Variants in PITPNC1 observed in about 807,000 individuals in gnomAD.
PITPNC1 encodes the protein phosphatidylinositol transfer protein cytoplasmic 1.
Under a neutral mutation model 44.7 loss-of-function variants are expected in PITPNC1, and 18 were observed. That is an observed-to-expected ratio of 0.40 (90% confidence interval 0.28 to 0.60). The LOEUF is 0.60. Among genes scored for constraint, PITPNC1 ranks in the 20% least tolerant of loss-of-function variants. The pLI is 0.39. For synonymous variants in PITPNC1, 141 were observed against 149.6 expected, an observed-to-expected ratio of 0.94 and a Z score of 0.42; for missense variants, 290 against 418.4, an observed-to-expected ratio of 0.69 and a Z score of 2.68.
At chr17:67,421,202 T>C (rs538453242) in intron 1 of PITPNC1, among the ~76,000 whole-genome samples, 34 of 152,328 alleles carry the variant, frequency 2.2e-4, no homozygotes, top group Admixed American at 4.6e-4. Context: ...GTTGGAGTCA[T>C]TCACACATAC....
At chr17:67,627,674 G>A (rs2364963) in intron 5 of PITPNC1, among the ~76,000 whole-genome samples, 2,422 of 152,296 alleles carry the variant, frequency 0.016, 55 homozygotes, top group African/African-American at 0.055. Context: ...GATGCTAAGA[G>A]GCGGTTTTGT....
At chr17:67,442,126 C>G (rs2039019959) in intron 1 of PITPNC1, among the ~76,000 whole-genome samples, 2 of 148,986 alleles carry the variant, frequency 1.3e-5, no homozygotes, top group Admixed American at 1.4e-4. Flanking sequence ...TGCTTTAGGA[C>G]TGCCTCTCCT....
rs144048576 is a variant in PITPNC1, at chr17:67,675,277, C to G, written c.619-202C>G. Among the ~76,000 whole-genome samples, 6 of 152,226 alleles carry G rather than the reference C, an allele frequency of 3.9e-5. No individual in the cohort carries two copies. The East Asian group carries it at 1.2e-3, about 29-fold the overall frequency. ...ATAAGACAAAGAGATGAATATACTG[C>G]AAGTGTGTGTACACCATGGGGAAGG... On this transcript the variant is annotated intron_variant, in intron 7 of 8. Transcript: ENST00000581322.
chr17:67,426,999 G>A (rs1265132583), intron 1 of PITPNC1, among the ~76,000 whole-genome samples: 1 of 152,086 alleles, frequency 6.6e-6, no homozygotes, highest in Non-Finnish European at 1.5e-5. Flanking sequence ...CTCCTTTGCA[G>A]CAAACATAAG....
At chr17:67,550,885 C>A (rs538537478) in intron 2 of PITPNC1, among the ~76,000 whole-genome samples, 1 of 152,174 alleles carries the variant, frequency 6.6e-6, no homozygotes, top group Non-Finnish European at 1.5e-5. Context: ...TACGGTGAAA[C>A]CCCGTCTCTA....
In PITPNC1 at chr17:67,599,943, A is replaced by C. The variant is rs953761305; in HGVS notation, c.366+21686A>C. On this transcript the variant is annotated intron_variant, in intron 5 of 8. Coordinates refer to ENST00000581322, the MANE Select transcript of PITPNC1 (RefSeq NM_012417.4). ...TGGACTCGTGGATCAAAAACTCGGA[A>C]GGATGAGGGTAGCCTGGATTGACTG... Among the ~76,000 whole-genome samples, 12 of 152,338 alleles carry C rather than the reference A, an allele frequency of 7.9e-5. No homozygotes were observed. In the East Asian group the frequency reaches 2.3e-3, roughly 29 times the overall value.
At chr17:67,631,425 C>T (rs894228678) in intron 5 of PITPNC1, among the ~76,000 whole-genome samples, 12 of 142,282 alleles carry the variant, frequency 8.4e-5, no homozygotes, top group Non-Finnish European at 1.4e-4. Flanking sequence ...GTCAGGAGAT[C>T]GAGACCATCC....
intron 6 of PITPNC1, among the ~76,000 whole-genome samples, chr17:67,647,750 A>T (rs2042168820): frequency 6.6e-6 from 1 of 152,176 alleles, no homozygotes; most frequent in Non-Finnish European, 1.5e-5. Context: ...GCCCAGGTTC[A>T]CACAGTAGTT....
At chr17:67,394,156 G>A (rs546749980) in intron 1 of PITPNC1, among the ~76,000 whole-genome samples, 21 of 151,958 alleles carry the variant, frequency 1.4e-4, no homozygotes, top group Non-Finnish European at 2.8e-4. Flanking sequence ...TTTTTAAAGA[G>A]GGAGTTTAGT....
At chr17:67,480,926 G>C (rs2039692738) in intron 1 of PITPNC1, among the ~76,000 whole-genome samples, 1 of 152,202 alleles carries the variant, frequency 6.6e-6, no homozygotes, top group Non-Finnish European at 1.5e-5. Context: ...TAAATCTCAG[G>C]CTGGGTACTG....
At chr17:67,493,375 A>G (rs2039888707) in intron 1 of PITPNC1, among the ~76,000 whole-genome samples, 1 of 152,216 alleles carries the variant, frequency 6.6e-6, no homozygotes, top group Non-Finnish European at 1.5e-5. Context: ...GATGAATAGC[A>G]CAGCTGTCGT....
Position 67,578,198 on chromosome 17 carries a change from C to T in PITPNC1, c.307C>T (p.Pro103Ser). 3 of 1,611,018 alleles carry T rather than the reference C, an allele frequency of 1.9e-6. No individual in the cohort carries two copies. Among genetic ancestry groups the T allele is most frequent in the Non-Finnish European group, 2.5e-6 (3 of 1,177,358 alleles). The change falls in exon 5 of 9, where the codon CCG becomes TCG. Residue 103 changes from proline to serine, a missense_variant. Transcript: ENST00000581322. ...TITEYTCSFL[P>S]KFSIHIETKY... ...TTTTCTCCCACAGTGTTCCTTTCTGCCGAAATTCTCCATTCATATAGAAAC... is the reference window on the plus strand; with the variant it reads ...TTTTCTCCCACAGTGTTCCTTTCTGTCGAAATTCTCCATTCATATAGAAAC...
chr17:67,522,659 C>CTTTTTTTTTTTTT lies in PITPNC1; in HGVS notation c.49-10141_49-10129dup, dbSNP rs773797594. ...ATATCATAAAATTTACCATTTTAAT[C>CTTTTTTTTTTTTT]TTTTTTTTTTTTTTGGAAAATGAGG... On this transcript the variant is annotated intron_variant, in intron 1 of 8. Coordinates refer to ENST00000581322, the MANE Select transcript of PITPNC1 (RefSeq NM_012417.4). 3.5e-4 allele frequency among the ~76,000 whole-genome samples: 41 copies of CTTTTTTTTTTTTT among 117,202 alleles called. 6 individuals are homozygous for CTTTTTTTTTTTTT. Among genetic ancestry groups the CTTTTTTTTTTTTT allele is most frequent in the African/African-American group, 1.4e-3 (33 of 22,814 alleles). 76.9% of individuals were successfully genotyped at this position (117,202 alleles called of 152,430 possible).
intron 1 of PITPNC1, among the ~76,000 whole-genome samples, chr17:67,494,262 G>T (rs1051349290): frequency 7.4e-6 from 1 of 135,432 alleles, no homozygotes; most frequent in South Asian, 2.3e-4. Context: ...GTGCAGTGGC[G>T]CAATCTTGAC....
At chr17:67,446,733 T>G (rs2039101683) in intron 1 of PITPNC1, among the ~76,000 whole-genome samples, 1 of 151,804 alleles carries the variant, frequency 6.6e-6, no homozygotes, top group South Asian at 2.1e-4. Context: ...TTTTGAATGG[T>G]GGATCTGGGG....
At chr17:67,628,814 C>T (rs1325998136) in intron 5 of PITPNC1, among the ~76,000 whole-genome samples, 1 of 152,184 alleles carries the variant, frequency 6.6e-6, no homozygotes, top group Non-Finnish European at 1.5e-5. Flanking sequence ...AGCAACTATG[C>T]ACTCCAGGCT....
At chr17:67,459,622 C>T (rs2039307800) in intron 1 of PITPNC1, 1 of 152,122 alleles carries the variant, frequency 6.6e-6, no homozygotes, top group Non-Finnish European at 1.5e-5. Context: ...AGATTCCGCC[C>T]CTACGTTATC....
At chr17:67,463,354 T>C (rs2039372495) in intron 1 of PITPNC1, among the ~76,000 whole-genome samples, 1 of 152,152 alleles carries the variant, frequency 6.6e-6, no homozygotes, top group African/African-American at 2.4e-5. Flanking sequence ...TTAATTGAAT[T>C]GGTGGGATAT....
At chr17:67,689,735 A>T (rs2042886248) in intron 8 of PITPNC1, among the ~76,000 whole-genome samples, 1 of 152,232 alleles carries the variant, frequency 6.6e-6, no homozygotes, top group Admixed American at 6.5e-5. Flanking sequence ...TGTGCTTTAG[A>T]TTATTTCTGC....
Sources: allele counts gnomAD v4.1 joint callset (sites outside exome capture counted in the v4.1 genomes callset), GRCh38; gene constraint gnomAD v4.1.1; transcripts MANE v1.5; gene names NCBI Gene and HGNC (gene_info 2026-07-23, HGNC 2026-07-21).